Variants in DMD observed in about 807,000 individuals in gnomAD.
The protein encoded by DMD is mutant dystrophin.
DMD carries 63 observed loss-of-function variants against 330.1 expected under a neutral mutation model. That is an observed-to-expected ratio of 0.19 (90% CI 0.16 to 0.24). The LOEUF is 0.24. DMD is among the 10% of genes least tolerant of loss of function. The pLI is 1.00. For synonymous variants in DMD, 1,223 were observed against 959.8 expected (o/e 1.27, Z -5.07); for missense variants, 3,344 against 2,684.1 (o/e 1.25, Z -5.43).
chrX:33,254,608 T>C (rs1195705171), intron 1 of DMD, among the ~76,000 whole-genome samples: 1 of 110,594 alleles, frequency 9.0e-6, no homozygotes, highest in African/African-American at 3.3e-5. Flanking sequence ...GATTTATTAT[T>C]TGATGTGATG....
chrX:32,588,895 A>G (rs1601930129), intron 13 of DMD, among the ~76,000 whole-genome samples: 1 of 111,974 alleles, frequency 8.9e-6, no homozygotes, highest in Admixed American at 9.5e-5. Flanking sequence ...GACAAAAATA[A>G]GAAATTCAGT....
chrX:32,203,923 T>C (rs912206576), intron 44 of DMD, among the ~76,000 whole-genome samples: 3 of 111,726 alleles, frequency 2.7e-5, no homozygotes, highest in Non-Finnish European at 5.6e-5. Flanking sequence ...TGGGTCAAAT[T>C]ATAATTATAT....
chrX:32,645,267 T>C (rs1171591898), intron 9 of DMD, 115 bp from the exon 10 acceptor site: 29 of 796,154 alleles, frequency 3.6e-5, no homozygotes, highest in Non-Finnish European at 4.7e-5. Flanking sequence ...CCACTGGCAT[T>C]ATCAAACACA....
At chrX:31,798,685 C>T (rs2091936359) in intron 50 of DMD, among the ~76,000 whole-genome samples, 1 of 111,197 alleles carries the variant, frequency 9.0e-6, no homozygotes, top group Non-Finnish European at 1.9e-5. Context: ...AAATGTGGCA[C>T]AGGCAATGGC....
chrX:32,183,549 C>T (rs1448402502), intron 44 of DMD, among the ~76,000 whole-genome samples: 1 of 76,177 alleles, frequency 1.3e-5, no homozygotes, highest in African/African-American at 4.5e-5. Context: ...TGCACAGCTA[C>T]ACAAATATAT....
In DMD at chrX:32,491,426, A is replaced by T; in HGVS notation, c.2473T>A (p.Trp825Arg). The T allele has an allele frequency of 8.3e-7, 1 of 1,211,762 alleles. No individual in the cohort carries two copies. Among genetic ancestry groups the T allele is most frequent in the Non-Finnish European group, 1.1e-6 (1 of 895,369 alleles). Reference sequence around the variant, plus strand: ...ATGATGTTGTTCTGATACTCCAGCCAGTTAAGTCTCTCACTTAGCAACTGG... The same window carrying T: ...ATGATGTTGTTCTGATACTCCAGCCTGTTAAGTCTCTCACTTAGCAACTGG... ...FCQLLSERLN[W>R]LEYQNNIIAF... is the part of the protein sequence containing the mutation. The change falls in exon 20 of 79, where the codon TGG becomes AGG. Residue 825 changes from tryptophan to arginine, a missense_variant. Trp to Arg is a moderately radical substitution (Grantham distance 101, BLOSUM62 -3). Coordinates refer to ENST00000357033, the MANE Select transcript of DMD (RefSeq NM_004006.3).
chrX:32,091,168 G>A (rs2096471923), intron 44 of DMD, among the ~76,000 whole-genome samples: 1 of 111,590 alleles, frequency 9.0e-6, no homozygotes. Context: ...TAATAGTCAG[G>A]AGCTTTGACA....
intron 17 of DMD, among the ~76,000 whole-genome samples, chrX:32,535,704 G>C (rs1323597995): frequency 9.0e-6 from 1 of 111,568 alleles, no homozygotes; most frequent in Admixed American, 9.5e-5. Flanking sequence ...TACCTGCTTA[G>C]CCAATTCCTT....
Position 33,081,009 on chromosome X carries a change from A to ACACACACACACAC in DMD, c.32-60810_32-60809insGTGTGTGTGTGTG, listed in dbSNP as rs1475097752. On this transcript the variant is annotated intron_variant, in intron 1 of 78. Transcript: ENST00000357033. The stretch of plus-strand genomic sequence containing the variant: ...ACACACACACACACACACACACACA[A>ACACACACACACAC]AAACACATGTAAATACAGACAGAAG... 1.1e-3 allele frequency among the ~76,000 whole-genome samples: 94 copies of ACACACACACACAC among 88,074 alleles called. 1 individual carries two copies. Among genetic ancestry groups the ACACACACACACAC allele is most frequent in the African/African-American group, 4.3e-3 (90 of 21,073 alleles). The allele number at this position is 88,074 out of a possible 115,157, so 76.5% of individuals were successfully genotyped here.
intron 7 of DMD, among the ~76,000 whole-genome samples, chrX:32,713,458 G>A (rs1335399362): frequency 1.8e-5 from 2 of 111,313 alleles, no homozygotes; most frequent in Admixed American, 1.9e-4. Context: ...GCTGCATAAT[G>A]TAGTATCTGA....
chrX:32,064,131 T>C (rs957038458), intron 44 of DMD, among the ~76,000 whole-genome samples: 2 of 111,562 alleles, frequency 1.8e-5, no homozygotes, highest in East Asian at 5.6e-4. Context: ...TATTAGAATG[T>C]CACCAATTGA....
intron 1 of DMD, among the ~76,000 whole-genome samples, chrX:33,297,877 C>T (rs1182918761): frequency 9.1e-6 from 1 of 110,217 alleles, no homozygotes; most frequent in Non-Finnish European, 1.9e-5. Context: ...AGAGATCTAA[C>T]GTACAGCATG....
At chrX:32,734,531 A>C (rs374606197) in intron 7 of DMD, among the ~76,000 whole-genome samples, 6 of 105,312 alleles carry the variant, frequency 5.7e-5, no homozygotes, top group East Asian at 2.9e-4. Flanking sequence ...TACTGGCAAA[A>C]CGAATCCAGC....
chrX:32,293,549 A>G (rs1027476807), intron 42 of DMD, among the ~76,000 whole-genome samples: 2 of 111,884 alleles, frequency 1.8e-5, no homozygotes, highest in African/African-American at 6.5e-5. Flanking sequence ...TGGAAGTGGA[A>G]AACATAAATG....
In DMD at chrX:32,287,764, T is replaced by A. The variant is rs72468612; in HGVS notation, c.6118-63A>T. On this transcript the variant is annotated intron_variant, in intron 42 of 78. Coordinates refer to ENST00000357033, the MANE Select transcript of DMD (RefSeq NM_004006.3). ...TTAGCTGTCTATAGAAAGAGAAAAA[T>A]ATATATATATATACAAATCCCAAAG... The A allele has an allele frequency of 0.019, 11,634 of 619,745 alleles. 85 individuals carry two copies. Among genetic ancestry groups the A allele is most frequent in the Middle Eastern group, 0.062 (120 of 1,939 alleles). The allele number at this position is 619,745 out of a possible 1,213,427, so 51.1% of individuals were successfully genotyped here.
chrX:32,079,335 T>A (rs1186517872), intron 44 of DMD, among the ~76,000 whole-genome samples: 4 of 111,869 alleles, frequency 3.6e-5, no homozygotes, highest in African/African-American at 1.3e-4. Context: ...GGGTCACGCC[T>A]GTAAATCCCA....
At chrX:32,883,590 C>G (rs776374045) in intron 2 of DMD, among the ~76,000 whole-genome samples, 1 of 109,770 alleles carries the variant, frequency 9.1e-6, no homozygotes, top group African/African-American at 3.3e-5. Flanking sequence ...TTTGGGAGGC[C>G]GAGCCAGGTG....
chrX:33,252,784 C>T (rs750722970), intron 1 of DMD, among the ~76,000 whole-genome samples: 1 of 111,875 alleles, frequency 8.9e-6, no homozygotes, highest in East Asian at 2.8e-4. Flanking sequence ...AGAAGATCAT[C>T]ACACAAATAA....
At chrX:32,692,191 T>G (rs2063329634) in intron 9 of DMD, among the ~76,000 whole-genome samples, 1 of 112,311 alleles carries the variant, frequency 8.9e-6, no homozygotes, top group Non-Finnish European at 1.9e-5. Flanking sequence ...CAAAAGAAGT[T>G]AAACGATAAG....
Sources: allele counts gnomAD v4.1 joint callset (sites outside exome capture counted in the v4.1 genomes callset), GRCh38; gene constraint gnomAD v4.1.1; transcripts MANE v1.5; gene names NCBI Gene and HGNC (gene_info 2026-07-23, HGNC 2026-07-21).